CDK11B: variants seen among roughly 807,000 people sequenced by gnomAD.
The protein encoded by CDK11B is cyclin dependent kinase 11B, also known as cyclin-dependent kinase 11B.
In CDK11B, 37 loss-of-function variants were observed where a neutral mutation model predicts 84.0. The observed-to-expected ratio is 0.44, with a 90% CI of 0.34 to 0.58. The LOEUF (loss-of-function observed/expected upper bound fraction) is 0.58, where lower values mean the gene tolerates loss of function less well. Ranked by LOEUF, CDK11B falls within the 20% of genes least tolerant of loss-of-function variation. The pLI is 0.02. For missense variants in CDK11B, 427 were observed against 834.0 expected (o/e 0.51, Z 6.01); for synonymous variants, 269 against 309.8 (o/e 0.87, Z 1.38).
chr1:1,651,874 A>G (rs1642060240), intron 4 of CDK11B, among the ~76,000 whole-genome samples: 1 of 145,972 alleles, frequency 6.9e-6, no homozygotes, highest in South Asian at 2.2e-4. Flanking sequence ...GCCCTTCTGA[A>G]TGGTCTGTGA....
chr1:1,637,243 C>T (rs562563853), intron 14 of CDK11B, 41 bp from the exon 15 acceptor site: 3 of 1,607,054 alleles, frequency 1.9e-6, no homozygotes, highest in Admixed American at 1.7e-5. Context: ...TGGCTGCCCC[C>T]AGCCCAGGGC....
At chr1:1,657,077 T>C (rs1469181036) in intron 2 of CDK11B, among the ~76,000 whole-genome samples, 1 of 134,922 alleles carries the variant, frequency 7.4e-6, no homozygotes, top group Non-Finnish European at 1.6e-5. Context: ...GATAGTATTA[T>C]GAACATACTA....
chr1:1,641,502 C>G (rs1183086523), intron 9 of CDK11B, among the ~76,000 whole-genome samples, 160 bp downstream of exon 9: 1 of 141,816 alleles, frequency 7.1e-6, no homozygotes, highest in South Asian at 2.3e-4. Context: ...GATCAAGATT[C>G]CATCTCAAAA....
At chr1:1,652,098 C>T (rs1205778901) in intron 4 of CDK11B, among the ~76,000 whole-genome samples, 1 of 149,204 alleles carries the variant, frequency 6.7e-6, no homozygotes, top group African/African-American at 2.5e-5. Context: ...CGGTCTGTGA[C>T]ACATGCATGC....
intron 11 of CDK11B, among the ~76,000 whole-genome samples, chr1:1,639,642 C>T (rs1009759788): frequency 2.0e-5 from 3 of 151,808 alleles, no homozygotes; most frequent in South Asian, 2.1e-4. Flanking sequence ...GGGGCAGAGG[C>T]GCTCACAAGG....
In CDK11B at chr1:1,637,033, G is replaced by T. The variant is rs75013426; in HGVS notation, c.1693-29C>A. ...CAACGACAGATGGGCGGCTGTGAGT[G>T]GGCCCCGGCAGGTCTCCCTGGGATG... On this transcript the variant is annotated intron_variant, in intron 15 of 19. Transcript: ENST00000341832. 118 of 1,613,124 alleles carry T rather than the reference G, an allele frequency of 7.3e-5. 1 individual carries two copies. The East Asian group carries it at 2.5e-3, about 35-fold the overall frequency.
In CDK11B at chr1:1,636,391, T is replaced by G. The variant is rs1349322374; in HGVS notation, c.2008A>C (p.Asn670His). 1.2e-6 allele frequency: 2 copies of G among 1,609,380 alleles called. No individual in the cohort carries two copies. Among genetic ancestry groups the G allele is most frequent in the Non-Finnish European group, 1.7e-6 (2 of 1,177,610 alleles). The change falls in exon 18 of 20, where the codon AAC becomes CAC. Residue 670 changes from asparagine (N) to histidine (H), a missense_variant. By Grantham distance (68) the Asn-to-His change is moderately conservative. Transcript: ENST00000341832. ...KMTFSEHPYN[N>H]LRKRFGALLS... ...AGAGCCCCGAAGCGCTTGCGGAGGT[T>G]GTTGTAGGGGTGCTCGCTGAAGGTC...
At chr1:1,637,043 A>T (rs766791260) in intron 15 of CDK11B, 38 bp downstream of exon 15, 3 of 1,612,520 alleles carry the variant, frequency 1.9e-6, no homozygotes, top group Admixed American at 1.7e-5. Context: ...GGGCCCCGGC[A>T]GGTCTCCCTG....
intron 3 of CDK11B, among the ~76,000 whole-genome samples, chr1:1,654,662 CTTTT>C (rs35072492): frequency 7.0e-6 from 1 of 143,776 alleles, no homozygotes; most frequent in Non-Finnish European, 1.5e-5. Context: ...CTTTTTTTTC[CTTTT>C]TTTTTTTTTA....
At chr1:1,655,815 G>T (rs553137220) in intron 2 of CDK11B, among the ~76,000 whole-genome samples, 2 of 151,320 alleles carry the variant, frequency 1.3e-5, no homozygotes, top group Admixed American at 1.3e-4. Flanking sequence ...CCCGGGAGGC[G>T]GACATTGCAG....
chr1:1,641,420 G>C (rs1430071607), intron 9 of CDK11B, among the ~76,000 whole-genome samples: 1 of 147,614 alleles, frequency 6.8e-6, no homozygotes, highest in African/African-American at 2.4e-5. Context: ...GAGGCGGGAG[G>C]ATCACTTGAA....
intron 5 of CDK11B, among the ~76,000 whole-genome samples, chr1:1,647,837 A>G (rs1465615567): frequency 3.3e-5 from 5 of 152,178 alleles, no homozygotes; most frequent in Non-Finnish European, 4.4e-5. Context: ...CCACTGCTCT[A>G]AACGGAGTAA....
At chr1:1,639,877 C>T (rs1410463210) in intron 11 of CDK11B, among the ~76,000 whole-genome samples, 1 of 151,954 alleles carries the variant, frequency 6.6e-6, no homozygotes, top group Non-Finnish European at 1.5e-5. Flanking sequence ...CCCGTAGCCG[C>T]TCCCCCATCC....
intron 4 of CDK11B, among the ~76,000 whole-genome samples, chr1:1,650,041 A>T (rs1641726887): frequency 6.0e-5 from 9 of 150,864 alleles, no homozygotes; most frequent in Admixed American, 2.0e-4. Flanking sequence ...TGGGAGGCCG[A>T]GGTGGGCGGA....
At position 1,636,329 on chromosome 1, in the gene CDK11B, T is replaced by G. The variant is rs1459938221; in HGVS notation, c.2066+4A>C. ...CTCCCGCCACCCGGCTGCACTGGGC[T>G]CACTTGTTCATGAGGTCGAAGCCCT... On this transcript the variant is annotated splice_donor_region_variant and intron_variant, in intron 18 of 19. Coordinates refer to ENST00000341832, the MANE Select transcript of CDK11B (RefSeq NM_033486.3). The G allele has an allele frequency of 6.4e-7, 1 of 1,565,064 alleles. No homozygotes were observed. The highest frequency in any genetic ancestry group is 8.7e-7 in the Non-Finnish European group (1 of 1,155,910).
intron 4 of CDK11B, among the ~76,000 whole-genome samples, chr1:1,651,784 ACGCTTTC>A: frequency 6.7e-6 from 1 of 148,632 alleles, no homozygotes; most frequent in South Asian, 2.1e-4. Flanking sequence ...TAACACACGC[ACGCTTTC>A]AGCTAGAGTT....
At chr1:1,639,737 C>A (rs1639972490) in intron 11 of CDK11B, among the ~76,000 whole-genome samples, 1 of 152,050 alleles carries the variant, frequency 6.6e-6, no homozygotes, top group African/African-American at 2.4e-5. Flanking sequence ...CGAGTCCCTG[C>A]CGGTCTCCCA....
At chr1:1,649,458 C>T (rs1641608418) in intron 5 of CDK11B, 41 bp downstream of exon 5, 6 of 1,407,176 alleles carry the variant, frequency 4.3e-6, no homozygotes, top group African/African-American at 4.2e-5. Flanking sequence ...CACACTACCA[C>T]AGCCCTTTTA....
Position 1,637,397 on chromosome 1 carries a change from C to A in CDK11B, c.1570+11G>T, listed in dbSNP as rs1639527886. 1 of 1,612,288 alleles carries A rather than the reference C, an allele frequency of 6.2e-7. No individual in the cohort carries two copies. On this transcript the variant is annotated intron_variant, in intron 14 of 19. Coordinates refer to ENST00000341832, the MANE Select transcript of CDK11B (RefSeq NM_033486.3). ...CTTGTACGCAGACAGGCCCCTGGGG[C>A]GCGGCTGTACCTGGCAGGAAGGGCT...
Sources: gnomAD v4.1 joint callset for allele counts (sites outside exome capture counted in the v4.1 genomes callset) on GRCh38, gnomAD v4.1.1 for gene constraint, MANE v1.5 for transcripts, NCBI Gene and HGNC (gene_info 2026-07-23, HGNC 2026-07-21) for gene names.